Variants in SORCS2 observed in about 807,000 individuals in gnomAD.
The protein encoded by SORCS2 is VPS10 domain-containing receptor SorCS2.
A neutral mutation model predicts 141.6 loss-of-function variants in SORCS2; 100 were observed. That is an observed-to-expected ratio of 0.71 (90% confidence interval 0.60 to 0.83). The LOEUF (loss-of-function observed/expected upper bound fraction) is 0.83. SORCS2 is among the 40% of genes least tolerant of loss of function. SORCS2 has a pLI of 0.00. For missense variants in SORCS2, 1,646 were observed against 1,560.2 expected, an observed-to-expected ratio of 1.05 and a Z score of -0.93; for synonymous variants, 789 against 676.9, an observed-to-expected ratio of 1.17 and a Z score of -2.57.
chr4:7,554,299 G>T (rs1243497338), intron 3 of SORCS2, among the ~76,000 whole-genome samples: 1 of 152,042 alleles, frequency 6.6e-6, no homozygotes. Flanking sequence ...AAAGTGCTTT[G>T]CGAGCTGTAA....
chr4:7,247,070 T>C (rs1713146293), intron 1 of SORCS2, among the ~76,000 whole-genome samples: 1 of 152,064 alleles, frequency 6.6e-6, no homozygotes, highest in Non-Finnish European at 1.5e-5. Flanking sequence ...GCCAGTGAGA[T>C]GTTTGGTGAG....
At chr4:7,483,704 G>A (rs1458400101) in intron 2 of SORCS2, among the ~76,000 whole-genome samples, 2 of 151,436 alleles carry the variant, frequency 1.3e-5, no homozygotes, top group South Asian at 2.1e-4. Context: ...CTGTGTTTCC[G>A]TACCCTCTTG....
chr4:7,512,795 C>T (rs746304707), intron 2 of SORCS2, among the ~76,000 whole-genome samples: 24 of 152,106 alleles, frequency 1.6e-4, no homozygotes, highest in Non-Finnish European at 3.5e-4. Context: ...TTGTGTGACC[C>T]CCACCAGTGG....
chr4:7,208,411 G>C (rs1727869708), intron 1 of SORCS2, among the ~76,000 whole-genome samples: 1 of 152,188 alleles, frequency 6.6e-6, no homozygotes, highest in Non-Finnish European at 1.5e-5. Context: ...CGGGGAGGGA[G>C]GCAGGGCTGG....
chr4:7,237,471 A>G (rs908742551), intron 1 of SORCS2, among the ~76,000 whole-genome samples: 3 of 152,158 alleles, frequency 2.0e-5, no homozygotes, highest in African/African-American at 7.2e-5. Context: ...ATATAGTTGC[A>G]GCCAGGGAGT....
chr4:7,454,974 G>T (rs1305770761), intron 2 of SORCS2, among the ~76,000 whole-genome samples: 1 of 142,084 alleles, frequency 7.0e-6, no homozygotes, highest in African/African-American at 2.6e-5. Flanking sequence ...GTGCTGTATT[G>T]GGGTCAGGCT....
intron 3 of SORCS2, among the ~76,000 whole-genome samples, chr4:7,539,700 G>GCCCCCCGTTATGGAGGCCCCGC (rs1199605317): frequency 9.1e-6 from 1 of 110,470 alleles, no homozygotes; most frequent in Non-Finnish European, 2.1e-5. Context: ...TGGAGGCCCC[G>GCCCCCCGTTATGGAGGCCCCGC]CCCCTTCCTG....
At chr4:7,598,333 G>A (rs796532654) in intron 3 of SORCS2, among the ~76,000 whole-genome samples, 10 of 152,274 alleles carry the variant, frequency 6.6e-5, no homozygotes, top group African/African-American at 1.9e-4. Flanking sequence ...TAGGCTGCCC[G>A]ATGATGCCCC....
chr4:7,687,916 C>G (rs554983117), intron 10 of SORCS2, among the ~76,000 whole-genome samples: 1 of 152,158 alleles, frequency 6.6e-6, no homozygotes, highest in East Asian at 1.9e-4. Context: ...ACCAACTGTC[C>G]GTTCCTGGCT....
At chr4:7,559,090 G>A (rs1176158191) in intron 3 of SORCS2, among the ~76,000 whole-genome samples, 1 of 152,162 alleles carries the variant, frequency 6.6e-6, no homozygotes, top group Admixed American at 6.5e-5. Flanking sequence ...CAGTACTCTG[G>A]CCCAGCCCTC....
At position 7,335,545 on chromosome 4, in the gene SORCS2, G is replaced by A. The variant is rs1266643228; in HGVS notation, c.481-60743G>A. 2.6e-5 allele frequency among the ~76,000 whole-genome samples: 4 copies of A among 152,186 alleles called. No individual in the cohort carries two copies. In the East Asian group the frequency reaches 7.7e-4, roughly 29 times the overall value. On this transcript the variant is annotated intron_variant, in intron 1 of 26. Coordinates refer to ENST00000507866, the MANE Select transcript of SORCS2 (RefSeq NM_020777.3). ...CTTGCTCCGGCCCGAGGCCTCATCT[G>A]TCGGGGCACCCGAGGACGGCCAGTT...
chr4:7,207,121 C>T (rs1201840344), intron 1 of SORCS2, among the ~76,000 whole-genome samples: 1 of 152,216 alleles, frequency 6.6e-6, no homozygotes, highest in Non-Finnish European at 1.5e-5. Context: ...TCTGGGCCAG[C>T]TTCAGAGGAA....
intron 2 of SORCS2, among the ~76,000 whole-genome samples, chr4:7,444,832 T>A (rs1047431363): frequency 6.6e-6 from 1 of 152,218 alleles, no homozygotes; most frequent in Non-Finnish European, 1.5e-5. Flanking sequence ...TGCTTGAAGT[T>A]AGAGCCAATA....
chr4:7,201,039 G>A lies in SORCS2; in HGVS notation c.480+7913G>A, dbSNP rs886218271. ...GGGCCAAGTCAAACTTGGCCCCTGC[G>A]CGGGTGAAATGTTTGGTCTGGACAG... On this transcript the variant is annotated intron_variant, in intron 1 of 26. Coordinates refer to ENST00000507866, the MANE Select transcript of SORCS2 (RefSeq NM_020777.3). The surrounding 1 kb of genome is among the most constrained non-coding windows in gnomAD (Gnocchi z 4.4). Among the ~76,000 whole-genome samples the A allele has an allele frequency of 2.6e-5, 4 of 152,142 alleles. No individual in the cohort carries two copies. The highest frequency in any genetic ancestry group is 7.2e-5 in the African/African-American group (3 of 41,422).
chr4:7,622,254 C>T (rs371169582), intron 3 of SORCS2, among the ~76,000 whole-genome samples: 3 of 152,268 alleles, frequency 2.0e-5, no homozygotes, highest in African/African-American at 7.2e-5. Flanking sequence ...GGGGCAGGAT[C>T]GAGGCCCCCA....
At chr4:7,507,862 TA>T (rs1433491294) in intron 2 of SORCS2, among the ~76,000 whole-genome samples, 1 of 152,100 alleles carries the variant, frequency 6.6e-6, no homozygotes, top group Non-Finnish European at 1.5e-5. Context: ...ATCCAAGACA[TA>T]AAAATTTTAA....
At chr4:7,304,957 G>T (rs1432696059) in intron 1 of SORCS2, among the ~76,000 whole-genome samples, 1 of 152,196 alleles carries the variant, frequency 6.6e-6, no homozygotes, top group African/African-American at 2.4e-5. Flanking sequence ...TGCTCGTGAG[G>T]GCTTCTGGCG....
rs555882603 is a variant in SORCS2, at chr4:7,311,232, A to G, written c.481-85056A>G. On this transcript the variant is annotated intron_variant, in intron 1 of 26. Coordinates refer to ENST00000507866, the MANE Select transcript of SORCS2 (RefSeq NM_020777.3). The stretch of plus-strand genomic sequence containing the variant: ...TCAGCATCGCTGTTTTCAGATTCAG[A>G]CATGTTGTCACATCAGTCAATCAAT... Among the ~76,000 whole-genome samples, 326 of 152,248 alleles carry G rather than the reference A, an allele frequency of 2.1e-3. 1 individual carries two copies. Among genetic ancestry groups the G allele is most frequent in the African/African-American group, 7.4e-3 (309 of 41,544 alleles).
At chr4:7,586,145 T>C (rs1395788834) in intron 3 of SORCS2, among the ~76,000 whole-genome samples, 3 of 152,198 alleles carry the variant, frequency 2.0e-5, no homozygotes, top group African/African-American at 7.2e-5. Context: ...ACGCCTATGA[T>C]TTGGGGCTTG....
Sources: allele counts gnomAD v4.1 joint callset (sites outside exome capture counted in the v4.1 genomes callset), GRCh38; gene constraint gnomAD v4.1.1; non-coding constraint Gnocchi (gnomAD v3.1); transcripts MANE v1.5; gene names NCBI Gene and HGNC (gene_info 2026-07-23, HGNC 2026-07-21).